Variants in CNTNAP4 observed in about 807,000 individuals in gnomAD.
CNTNAP4 encodes the protein contactin-associated protein-like 4.
In CNTNAP4, 98 loss-of-function variants were observed where a neutral mutation model predicts 148.4. That is an observed-to-expected ratio of 0.66 (90% CI 0.56 to 0.78). The LOEUF (loss-of-function observed/expected upper bound fraction) is 0.78, where lower values mean the gene tolerates loss of function less well. Ranked by LOEUF, CNTNAP4 falls within the 30% of genes least tolerant of loss-of-function variation. The pLI, the probability that CNTNAP4 is intolerant of heterozygous loss-of-function variation, is 0.00. For missense variants in CNTNAP4, 1,935 were observed against 1,565.6 expected, an observed-to-expected ratio of 1.24 and a Z score of -3.98; for synonymous variants, 730 against 565.1, an observed-to-expected ratio of 1.29 and a Z score of -4.14.
At chr16:76,558,287 C>A in intron 23 of CNTNAP4, 1 of 476,746 alleles carries the variant, frequency 2.1e-6, no homozygotes, top group Non-Finnish European at 3.7e-6. Flanking sequence ...GGTGAACCCA[C>A]AAGGCTGATA....
chr16:76,449,027 A>C (rs1410877807), intron 6 of CNTNAP4, 76 bp downstream of exon 6: 13 of 1,331,054 alleles, frequency 9.8e-6, no homozygotes, highest in Non-Finnish European at 1.4e-5. Context: ...AAAATACACT[A>C]TAAAGAGCCC....
intron 3 of CNTNAP4, among the ~76,000 whole-genome samples, chr16:76,421,415 T>C (rs2079185097): frequency 6.6e-6 from 1 of 152,132 alleles, no homozygotes; most frequent in Non-Finnish European, 1.5e-5. Flanking sequence ...AAATGAATTT[T>C]ACATTCATAA....
At chr16:76,287,223 A>C (rs547979842) in intron 1 of CNTNAP4, among the ~76,000 whole-genome samples, 1 of 152,358 alleles carries the variant, frequency 6.6e-6, no homozygotes, top group Admixed American at 6.5e-5. Context: ...AACTCCTAGC[A>C]TCCTTTATCA....
intron 5 of CNTNAP4, 69 bp downstream of exon 5, chr16:76,448,284 T>C: frequency 9.0e-7 from 1 of 1,112,790 alleles, no homozygotes; most frequent in Non-Finnish European, 1.3e-6. Context: ...TTTATGCTTT[T>C]ATAGCTTATC....
chr16:76,319,034 A>C (rs2144120076), intron 2 of CNTNAP4, among the ~76,000 whole-genome samples: 1 of 152,230 alleles, frequency 6.6e-6, no homozygotes, highest in South Asian at 2.1e-4. Flanking sequence ...TGGGATAAGA[A>C]GTGTCAAGGG....
intron 3 of CNTNAP4, among the ~76,000 whole-genome samples, chr16:76,408,523 C>T (rs536567292): frequency 1.5e-4 from 23 of 151,568 alleles, no homozygotes; most frequent in African/African-American, 4.4e-4. Context: ...TTTTCTCCCC[C>T]GTGCAACTCT....
intron 10 of CNTNAP4, among the ~76,000 whole-genome samples, chr16:76,470,495 A>ATATATATATATATT (rs546770074): frequency 0.02 from 2,688 of 133,880 alleles, 129 homozygotes; most frequent in East Asian, 0.074. Context: ...ATATATATAT[A>ATATATATATATATT]TAAAATTAGT....
In CNTNAP4 at chr16:76,553,384, G is replaced by A. The variant is rs1449256250; in HGVS notation, c.3544G>A (p.Ala1182Thr). The change falls in exon 22 of 24, where the codon GCT becomes ACT. Residue 1182 changes from alanine (A) to threonine (T), a missense_variant. Ala to Thr is a moderately conservative substitution (Grantham distance 58, BLOSUM62 0). Transcript: ENST00000611870. Reference protein sequence around the residue: ...QLSHVAPLKAALHPSHPDPVT... With the variant: ...QLSHVAPLKATLHPSHPDPVT... ...CAGCCACGTGGCCCCTCTGAAGGCA[G>A]CTCTGCACCCCAGCCACCCAGACCC... 6 of 1,612,682 alleles carry A rather than the reference G, an allele frequency of 3.7e-6. No individual in the cohort carries two copies. Among genetic ancestry groups the A allele is most frequent in the Non-Finnish European group, 5.1e-6 (6 of 1,179,306 alleles).
intron 3 of CNTNAP4, among the ~76,000 whole-genome samples, chr16:76,375,064 C>T (rs116758235): frequency 0.015 from 2,219 of 152,104 alleles, 58 homozygotes; most frequent in African/African-American, 0.051. Flanking sequence ...CCATCACGCC[C>T]GGCCAGCAGA....
At chr16:76,331,927 C>T (rs1422426767) in intron 2 of CNTNAP4, among the ~76,000 whole-genome samples, 1 of 152,166 alleles carries the variant, frequency 6.6e-6, no homozygotes, top group Non-Finnish European at 1.5e-5. Flanking sequence ...TTCAGTTTTG[C>T]TTATTCGGGA....
At chr16:76,534,029 C>A (rs1049874489) in intron 17 of CNTNAP4, among the ~76,000 whole-genome samples, 3 of 152,148 alleles carry the variant, frequency 2.0e-5, no homozygotes, top group African/African-American at 7.2e-5. Context: ...GGTTCCTTTT[C>A]ATAGTCTTTC....
At chr16:76,453,606 G>A (rs1221793981) in intron 8 of CNTNAP4, among the ~76,000 whole-genome samples, 2 of 152,066 alleles carry the variant, frequency 1.3e-5, no homozygotes, top group Non-Finnish European at 2.9e-5. Flanking sequence ...ACAACTTAAA[G>A]ATTCCATTGT....
At position 76,509,076 on chromosome 16, in the gene CNTNAP4, T is replaced by C. The variant is rs189445464; in HGVS notation, c.2365+10382T>C. 2.5e-4 allele frequency among the ~76,000 whole-genome samples: 24 copies of C among 97,870 alleles called. 9 individuals carry two copies. The highest frequency in any genetic ancestry group is 6.4e-4 in the Non-Finnish European group (22 of 34,442). The allele number at this position is 97,870 out of a possible 152,430, so 64.2% of individuals were successfully genotyped here. A position where few individuals can be genotyped will look rare whatever the true frequency, so the allele number is the denominator to read the frequency against. ...AAAATCATAACTTTTTAAAGCTATATAGAAATACCAAAAAAGCAAGTAAAA... is the reference window on the plus strand; with the variant it reads ...AAAATCATAACTTTTTAAAGCTATACAGAAATACCAAAAAAGCAAGTAAAA... On this transcript the variant is annotated intron_variant, in intron 15 of 23. Transcript: ENST00000611870.
intron 2 of CNTNAP4, among the ~76,000 whole-genome samples, chr16:76,351,510 C>G (rs750942974): frequency 1.3e-5 from 2 of 152,214 alleles, no homozygotes; most frequent in African/African-American, 4.8e-5. Flanking sequence ...ATACCATGTG[C>G]ATCTGCAGAG....
At chr16:76,510,469 C>CTTTTT (rs58556090) in intron 15 of CNTNAP4, among the ~76,000 whole-genome samples, 1 of 149,272 alleles carries the variant, frequency 6.7e-6, no homozygotes. Context: ...TCCATGTATG[C>CTTTTT]TTTTTTTTTT....
intron 3 of CNTNAP4, among the ~76,000 whole-genome samples, chr16:76,360,489 A>C (rs1370917898): frequency 6.6e-6 from 1 of 152,166 alleles, no homozygotes; most frequent in Non-Finnish European, 1.5e-5. Context: ...TTCCTTCCTT[A>C]TGTTGAGCCC....
At chr16:76,333,147 T>C (rs1388906183) in intron 2 of CNTNAP4, among the ~76,000 whole-genome samples, 7 of 152,184 alleles carry the variant, frequency 4.6e-5, no homozygotes, top group Admixed American at 3.9e-4. Flanking sequence ...CACCTAGAAA[T>C]CTCTGGGCTA....
chr16:76,469,833 G>A (rs964748309), intron 10 of CNTNAP4, among the ~76,000 whole-genome samples: 2 of 152,074 alleles, frequency 1.3e-5, no homozygotes, highest in Admixed American at 1.3e-4. Context: ...TAAAAATATA[G>A]CAAAAATCAA....
chr16:76,280,001 A>G (rs903977764), intron 1 of CNTNAP4, among the ~76,000 whole-genome samples: 3 of 152,230 alleles, frequency 2.0e-5, no homozygotes, highest in Non-Finnish European at 4.4e-5. Context: ...GCAACTATCA[A>G]CCAGCATATG....
Sources: allele counts gnomAD v4.1 joint callset (sites outside exome capture counted in the v4.1 genomes callset), GRCh38; gene constraint gnomAD v4.1.1; transcripts MANE v1.5; gene names NCBI Gene and HGNC (gene_info 2026-07-23, HGNC 2026-07-21).